Variants in ZAP70 observed in about 807,000 individuals in gnomAD.
ZAP70 encodes the protein tyrosine-protein kinase ZAP-70.
Under a neutral mutation model 65.8 loss-of-function variants are expected in ZAP70, and 27 were observed. That is an observed-to-expected ratio of 0.41 (90% CI 0.30 to 0.57). ZAP70 has a LOEUF of 0.57. ZAP70 is among the 20% of genes least tolerant of loss of function. ZAP70 has a pLI of 0.28. For synonymous variants in ZAP70, 363 were observed against 360.8 expected, an observed-to-expected ratio of 1.01 and a Z score of -0.07; for missense variants, 696 against 870.5, an observed-to-expected ratio of 0.80 and a Z score of 2.52.
chr2:97,737,614 C>T lies in ZAP70; in HGVS notation c.1431C>T (p.Ile477=). The change falls in exon 11 of 14, where the codon ATC becomes ATT. Residue 477 remains isoleucine, a synonymous_variant. Transcript: ENST00000264972. The surrounding 1 kb of genome is among the most constrained non-coding windows in gnomAD (Gnocchi z 5.0). ...VLLVNRHYAK[I]SDFGLSKALG... ...TGGTTAACCGGCACTACGCCAAGAT[C>T]AGCGACTTTGGCCTCTCCAAAGCAC... 2 of 1,614,142 alleles carry T rather than the reference C, an allele frequency of 1.2e-6. No homozygotes were observed. The highest frequency in any genetic ancestry group is 1.7e-6 in the Non-Finnish European group (2 of 1,180,000).
chr2:97,714,169 C>T (rs1676819009), intron 2 of ZAP70, among the ~76,000 whole-genome samples, 175 bp downstream of exon 2: 1 of 152,174 alleles, frequency 6.6e-6, no homozygotes, highest in Admixed American at 6.5e-5. Flanking sequence ...GGGCTTGTGG[C>T]CACGCTGAGG....
Position 97,736,920 on chromosome 2 carries a change from G to C in ZAP70, c.1290-553G>C, listed in dbSNP as rs1363423091. ...ACTCAGGGGCAGAGAGGACAAGACA[G>C]TGGGAGACAGGAGGGAGCGAGGGCC... On this transcript the variant is annotated intron_variant, in intron 10 of 13. Transcript: ENST00000264972. This position sits in a 1 kb window ranked among gnomAD's most constrained non-coding sequence, Gnocchi z 4.0. Among the ~76,000 whole-genome samples the C allele has an allele frequency of 6.6e-6, 1 of 152,158 alleles. No individual in the cohort carries two copies. Among genetic ancestry groups the C allele is most frequent in the Non-Finnish European group, 1.5e-5 (1 of 68,034 alleles).
chr2:97,738,258 C>T, intron 13 of ZAP70, 151 bp downstream of exon 13: 1 of 761,694 alleles, frequency 1.3e-6, no homozygotes, highest in Non-Finnish European at 2.2e-6. Context: ...CCTACCCCCA[C>T]ACCCAGCTCT....
chr2:97,729,292 T>G (rs1342895404), intron 4 of ZAP70, among the ~76,000 whole-genome samples: 2 of 152,250 alleles, frequency 1.3e-5, no homozygotes, highest in Non-Finnish European at 2.9e-5. Context: ...AGCAGTTTAT[T>G]CAGGGTTTCA....
intron 2 of ZAP70, among the ~76,000 whole-genome samples, chr2:97,719,550 G>C (rs1005125963): frequency 6.9e-6 from 1 of 145,424 alleles, no homozygotes; most frequent in African/African-American, 2.5e-5. Context: ...CTGGAGAACA[G>C]CCTGGGGGGG....
chr2:97,754,471 T>C, the ZAP70 span, among the ~76,000 whole-genome samples: 1 of 152,114 alleles, frequency 6.6e-6, no homozygotes, highest in Non-Finnish European at 1.5e-5. Flanking sequence ...GGTATGATCT[T>C]GGCTCACTGC....
At chr2:97,746,303 T>G in the ZAP70 span, among the ~76,000 whole-genome samples, 1 of 152,112 alleles carries the variant, frequency 6.6e-6, no homozygotes, top group East Asian at 1.9e-4. Context: ...ACCTAGAAAG[T>G]TAAAATGACA....
the ZAP70 span, among the ~76,000 whole-genome samples, chr2:97,754,903 G>T: frequency 6.6e-6 from 1 of 152,238 alleles, no homozygotes; most frequent in Non-Finnish European, 1.5e-5. Flanking sequence ...TGGTTGCACA[G>T]GAAATCTGGT....
At position 97,735,438 on chromosome 2, in the gene ZAP70, AGTTCCT is replaced by A; in HGVS notation, c.1273_1278del (p.Phe425_Leu426del). ...ATGGCTGGGGGCGGGCCGCTGCACAAGTTCCTGGTCGGCAAGAGGTGAGCACCGGGT... is the reference window on the plus strand; with the variant it reads ...ATGGCTGGGGGCGGGCCGCTGCACAAGGTCGGCAAGAGGTGAGCACCGGGT... On this transcript the variant is annotated inframe_deletion, in exon 10 of 14. Transcript: ENST00000264972. 1 of 1,608,766 alleles carries A rather than the reference AGTTCCT, an allele frequency of 6.2e-7. No homozygotes were observed. The highest frequency in any genetic ancestry group is 8.5e-7 in the Non-Finnish European group (1 of 1,176,716).
Position 97,725,150 on chromosome 2 carries a change from C to T in ZAP70, c.461C>T (p.Ala154Val). 6.2e-7 allele frequency: 1 copy of T among 1,614,172 alleles called. No homozygotes were observed. Among genetic ancestry groups the T allele is most frequent in the Non-Finnish European group, 8.5e-7 (1 of 1,180,026 alleles). Residue 154 changes from alanine (A) to valine (V), a missense_variant, in exon 4 of 14, where the codon GCT becomes GTT. Ala to Val is a moderately conservative substitution (Grantham distance 64). Around this residue, in one of 3 missense-constraint regions of ZAP70, gnomAD observed 551 missense variants for 630.0 expected, o/e 0.87. Coordinates refer to ENST00000264972, the MANE Select transcript of ZAP70 (RefSeq NM_001079.4). Reference sequence around the variant, plus strand: ...GCCCCGCAGGTGGAGAAGCTCATTGCTACGACGGCCCACGAGCGGATGCCC... The same window carrying T: ...GCCCCGCAGGTGGAGAAGCTCATTGTTACGACGGCCCACGAGCGGATGCCC... ...SQAPQVEKLI[A>V]TTAHERMPWY...
intron 4 of ZAP70, among the ~76,000 whole-genome samples, chr2:97,730,723 T>C (rs1428187447): frequency 6.6e-6 from 1 of 152,012 alleles, no homozygotes; most frequent in Non-Finnish European, 1.5e-5. Context: ...GAAGTTTAAA[T>C]AAACAAATAA....
chr2:97,737,638 A>G lies in ZAP70; in HGVS notation c.1455A>G (p.Ala485=), dbSNP rs1677953296. ...TCAGCGACTTTGGCCTCTCCAAAGC[A>G]CTGGGTGCCGACGACAGCTACTACA... ...AKISDFGLSK[A]LGADDSYYTA... Residue 485 remains alanine (A), a synonymous_variant, in exon 11 of 14, where the codon GCA becomes GCG. Coordinates refer to ENST00000264972, the MANE Select transcript of ZAP70 (RefSeq NM_001079.4). This position sits in a 1 kb window ranked among gnomAD's most constrained non-coding sequence, Gnocchi z 5.0. 2 of 1,614,118 alleles carry G rather than the reference A, an allele frequency of 1.2e-6. No homozygotes were observed.
At chr2:97,743,340 CTTTCT>C (rs1321180919), downstream of ZAP70, among the ~76,000 whole-genome samples, 8 of 152,140 alleles carry the variant, frequency 5.3e-5, no homozygotes, top group Non-Finnish European at 1.0e-4. Context: ...GTCTCCTGTT[CTTTCT>C]TTTCTTTGAG....
At chr2:97,745,963 T>C in the ZAP70 span, among the ~76,000 whole-genome samples, 1 of 152,188 alleles carries the variant, frequency 6.6e-6, no homozygotes, top group South Asian at 2.1e-4. Flanking sequence ...CCATGGAACA[T>C]TATCCAGCTG....
chr2:97,753,873 C>A, the ZAP70 span, among the ~76,000 whole-genome samples: 1 of 151,976 alleles, frequency 6.6e-6, no homozygotes, highest in Non-Finnish European at 1.5e-5. Context: ...TCTTTTGTCC[C>A]AGCTACCTGG....
Position 97,732,989 on chromosome 2 carries a change from C to A in ZAP70, c.670C>A (p.Pro224Thr), listed in dbSNP as rs760183161. The A allele has an allele frequency of 6.2e-7, 1 of 1,614,156 alleles. No individual in the cohort carries two copies. Among genetic ancestry groups the A allele is most frequent in the Admixed American group, 1.7e-5 (1 of 60,032 alleles). Residue 224 changes from proline to threonine, a missense_variant, in exon 5 of 14, where the codon CCC becomes ACC. Transcript: ENST00000264972. ...SQDKAGKYCI[P>T]EGTKFDTLWQ... is the part of the protein sequence containing the mutation. The stretch of plus-strand genomic sequence containing the variant: ...AGACAAGGCGGGCAAGTACTGCATT[C>A]CCGAGGGCACCAAGTTTGACACGCT...
At chr2:97,717,705 G>A (rs1279046783) in intron 2 of ZAP70, among the ~76,000 whole-genome samples, 1 of 152,254 alleles carries the variant, frequency 6.6e-6, no homozygotes, top group East Asian at 1.9e-4. Flanking sequence ...CCTTCCATGT[G>A]GTCTTCTCGG....
chr2:97,740,693 C>T (rs1678106570), downstream of ZAP70, among the ~76,000 whole-genome samples: 1 of 152,180 alleles, frequency 6.6e-6, no homozygotes, highest in African/African-American at 2.4e-5. Flanking sequence ...CTCCAGGTGG[C>T]GATGTTTCCA....
In ZAP70 at chr2:97,715,924, A is replaced by G. The variant is rs1676892330; in HGVS notation, c.-22+1930A>G. 1.3e-5 allele frequency among the ~76,000 whole-genome samples: 2 copies of G among 152,176 alleles called. No homozygotes were observed. The highest frequency in any genetic ancestry group is 4.8e-5 in the African/African-American group (2 of 41,426). On this transcript the variant is annotated intron_variant, in intron 2 of 13. Transcript: ENST00000264972. This position sits in a 1 kb window ranked among gnomAD's most constrained non-coding sequence, Gnocchi z 4.1. ...GGAAGCAGGAGCTTCCATAGAAAACAAGACAGAGCCGTGGGCCCTGCCTCG... is the reference window on the plus strand; with the variant it reads ...GGAAGCAGGAGCTTCCATAGAAAACGAGACAGAGCCGTGGGCCCTGCCTCG...
Sources: allele counts gnomAD v4.1 joint callset (sites outside exome capture counted in the v4.1 genomes callset), GRCh38; gene constraint gnomAD v4.1.1; regional missense constraint gnomAD v4.1.1; non-coding constraint Gnocchi (gnomAD v3.1); transcripts MANE v1.5; gene names NCBI Gene and HGNC (gene_info 2026-07-23, HGNC 2026-07-21).